The following TBL1X variants were observed in gnomAD, a reference collection of about 807,000 sequenced individuals.
TBL1X encodes F-box-like/WD repeat-containing protein TBL1X.
A neutral mutation model predicts 50.7 loss-of-function variants in TBL1X; 10 were observed. The observed-to-expected ratio is 0.20, with a 90% CI of 0.12 to 0.33. The LOEUF (loss-of-function observed/expected upper bound fraction) is 0.33, where lower values mean the gene tolerates loss of function less well. Ranked by LOEUF, TBL1X falls within the 10% of genes least tolerant of loss-of-function variation. The probability of loss-of-function intolerance (pLI) is 1.00; values close to 1 mark genes in which losing one functional copy is unlikely to be tolerated. For missense variants in TBL1X, 340 were observed against 504.4 expected, an observed-to-expected ratio of 0.67 and a Z score of 3.12; for synonymous variants, 190 against 214.7, an observed-to-expected ratio of 0.88 and a Z score of 1.01.
chrX:9,680,755 C>G (rs2083020662), intron 5 of TBL1X, among the ~76,000 whole-genome samples: 1 of 111,999 alleles, frequency 8.9e-6, no homozygotes, highest in Admixed American at 9.5e-5. Context: ...GAATGCACAT[C>G]TCCCAGGTCT....
At chrX:9,704,115 G>A (rs1206252269) in intron 12 of TBL1X, among the ~76,000 whole-genome samples, 1 of 112,142 alleles carries the variant, frequency 8.9e-6, no homozygotes, top group African/African-American at 3.2e-5. Context: ...TTGTGACCCT[G>A]AACCACCTGG....
chrX:9,655,044 C>G (rs192343922), intron 5 of TBL1X, among the ~76,000 whole-genome samples: 8 of 110,939 alleles, frequency 7.2e-5, no homozygotes, highest in African/African-American at 2.3e-4. Context: ...GAAACCCCGC[C>G]CATGTTTGCC....
At chrX:9,583,639 A>G (rs1353726643) in intron 2 of TBL1X, among the ~76,000 whole-genome samples, 3 of 112,578 alleles carry the variant, frequency 2.7e-5, no homozygotes, top group Non-Finnish European at 5.6e-5. Flanking sequence ...TTAAAATTAT[A>G]TGTGAACCTC....
chrX:9,689,318 A>C (rs1474243322), intron 7 of TBL1X, among the ~76,000 whole-genome samples: 1 of 112,182 alleles, frequency 8.9e-6, no homozygotes, highest in Non-Finnish European at 1.9e-5. Flanking sequence ...CTGCAGCCCG[A>C]GCCAAGCCCT....
intron 2 of TBL1X, among the ~76,000 whole-genome samples, chrX:9,522,978 G>A (rs1390182288): frequency 8.9e-6 from 1 of 112,017 alleles, no homozygotes; most frequent in Non-Finnish European, 1.9e-5. Flanking sequence ...GAGTTCTTGT[G>A]GTTTGGGATT....
chrX:9,579,029 T>C (rs2082426735), intron 2 of TBL1X, among the ~76,000 whole-genome samples: 1 of 112,106 alleles, frequency 8.9e-6, no homozygotes, highest in South Asian at 3.7e-4. Context: ...GTAGGTACTC[T>C]GTTGCTTATG....
rs1364184672 is a variant in TBL1X at position 9,633,700 on chromosome X, G to A, written c.-130-6573G>A. Among the ~76,000 whole-genome samples the A allele has an allele frequency of 2.7e-5, 3 of 112,252 alleles. No homozygotes were observed. In the Admixed American group the frequency reaches 2.8e-4, roughly 11 times the overall value. On this transcript the variant is annotated intron_variant, in intron 2 of 17. Coordinates refer to ENST00000645353, the MANE Select transcript of TBL1X (RefSeq NM_005647.4). Reference sequence around the variant, plus strand: ...GCAGAGTCTTAAAAAAATACACATTGGAGAACACATAGTCTTTTAACAGTA... The same window carrying A: ...GCAGAGTCTTAAAAAAATACACATTAGAGAACACATAGTCTTTTAACAGTA...
rs767742342 is a variant in TBL1X, at chrX:9,689,137, A to G, written c.616+862A>G. On this transcript the variant is annotated intron_variant, in intron 7 of 17. Coordinates refer to ENST00000645353, the MANE Select transcript of TBL1X (RefSeq NM_005647.4). ...ACGCACGCACACCTGTGCATGGTGT[A>G]GTGTATGTGTGTGTGTTCTTCCTTA... 2.1e-3 allele frequency among the ~76,000 whole-genome samples: 240 copies of G among 113,099 alleles called. 1 individual carries two copies. Among genetic ancestry groups the G allele is most frequent in the African/African-American group, 7.2e-3 (226 of 31,239 alleles).
At chrX:9,488,156 G>C (rs892256168) in intron 1 of TBL1X, among the ~76,000 whole-genome samples, 2 of 112,217 alleles carry the variant, frequency 1.8e-5, no homozygotes, top group Non-Finnish European at 3.7e-5. Flanking sequence ...TACTTTACTG[G>C]TTGGTGTTAT....
intron 2 of TBL1X, chrX:9,636,493 A>C (rs965217186): frequency 9.8e-6 from 1 of 102,381 alleles, no homozygotes; most frequent in Non-Finnish European, 2.0e-5. Context: ...CAAAACAACA[A>C]CAACAACAAC....
intron 1 of TBL1X, among the ~76,000 whole-genome samples, chrX:9,501,051 G>A (rs761379888): frequency 1.3e-4 from 15 of 111,621 alleles, no homozygotes; most frequent in Admixed American, 1.3e-3. Context: ...GGAAGCCCTG[G>A]ATGCCCCAAT....
intron 7 of TBL1X, among the ~76,000 whole-genome samples, chrX:9,689,418 C>T (rs764347468): frequency 1.1e-4 from 12 of 112,159 alleles, no homozygotes; most frequent in Middle Eastern, 4.2e-3. Context: ...TTGTTAATAA[C>T]GTTTCTATTG....
chrX:9,470,333 C>T (rs975629026), intron 1 of TBL1X, among the ~76,000 whole-genome samples: 1 of 112,266 alleles, frequency 8.9e-6, no homozygotes, highest in Admixed American at 9.3e-5. Context: ...AGTGCGGTGG[C>T]GCGATCTCCG....
At chrX:9,553,730 G>A (rs904009467) in intron 2 of TBL1X, among the ~76,000 whole-genome samples, 4 of 112,024 alleles carry the variant, frequency 3.6e-5, no homozygotes, top group Non-Finnish European at 7.5e-5. Flanking sequence ...AAGCATAAAT[G>A]ACCAAAGTTG....
rs1439685745 is a variant in TBL1X, at chrX:9,481,901, G to A, written c.-201+16454G>A. ...GCATATATGGCAAATAATTGTTCTA[G>A]CTGACCTTATGCAAACACTCGGGCC... On this transcript the variant is annotated intron_variant, in intron 1 of 17. Coordinates refer to ENST00000645353, the MANE Select transcript of TBL1X (RefSeq NM_005647.4). Among the ~76,000 whole-genome samples, 4 of 112,252 alleles carry A rather than the reference G, an allele frequency of 3.6e-5. No individual in the cohort carries two copies. The East Asian group carries it at 1.1e-3, about 31-fold the overall frequency.
intron 2 of TBL1X, among the ~76,000 whole-genome samples, chrX:9,544,971 C>T (rs1194077254): frequency 9.3e-6 from 1 of 107,810 alleles, no homozygotes; most frequent in East Asian, 2.9e-4. Context: ...TTAGTGAAAT[C>T]CAAGGTTTAT....
At chrX:9,591,385 T>C (rs182611009) in intron 2 of TBL1X, among the ~76,000 whole-genome samples, 92 of 112,437 alleles carry the variant, frequency 8.2e-4, no homozygotes, top group Admixed American at 2.6e-3. Context: ...GACGCCTTGC[T>C]GTAGATCCCA....
intron 5 of TBL1X, among the ~76,000 whole-genome samples, chrX:9,655,369 C>T (rs775729852): frequency 9.0e-6 from 1 of 111,336 alleles, no homozygotes; most frequent in Non-Finnish European, 1.9e-5. Flanking sequence ...GCACATCACC[C>T]TCATCTCTGT....
intron 3 of TBL1X, among the ~76,000 whole-genome samples, chrX:9,640,734 G>A (rs111481841): frequency 9.0e-6 from 1 of 111,459 alleles, no homozygotes; most frequent in African/African-American, 3.3e-5. Context: ...AGGTTCAAGC[G>A]ATTCTCCTGC....
Sources: gnomAD v4.1 joint callset for allele counts (sites outside exome capture counted in the v4.1 genomes callset) on GRCh38, gnomAD v4.1.1 for gene constraint, MANE v1.5 for transcripts, NCBI Gene and HGNC (gene_info 2026-07-23, HGNC 2026-07-21) for gene names.